The following CFAP61 variants were observed in gnomAD, a reference collection of about 807,000 sequenced individuals.
CFAP61 encodes cilia and flagella associated protein 61.
A neutral mutation model predicts 135.6 loss-of-function variants in CFAP61; 107 were observed. The ratio of observed to expected loss-of-function variants is 0.79; its 90% CI spans 0.67 to 0.93. The LOEUF is 0.93. CFAP61 is among the 40% of genes least tolerant of loss of function. The pLI is 0.00. For missense variants in CFAP61, 1,507 were observed against 1,556.2 expected, an observed-to-expected ratio of 0.97 and a Z score of 0.53; for synonymous variants, 575 against 578.5, an observed-to-expected ratio of 0.99 and a Z score of 0.09.
rs563703090 is a variant in CFAP61 at position 20,292,766 on chromosome 20, C to T, written c.3216+2375C>T. Among the ~76,000 whole-genome samples the T allele has an allele frequency of 3.6e-4, 55 of 152,230 alleles. No homozygotes were observed. In the South Asian group the frequency reaches 8.9e-3, roughly 25 times the overall value. Reference sequence around the variant, plus strand: ...GGCCTCAGAGTAGCCAGACTGCTCACGCAGTGGCTCTGGGCTCCAAGTGCA... The same window carrying T: ...GGCCTCAGAGTAGCCAGACTGCTCATGCAGTGGCTCTGGGCTCCAAGTGCA... On this transcript the variant is annotated intron_variant, in intron 24 of 26. Transcript: ENST00000245957.
intron 2 of CFAP61, among the ~76,000 whole-genome samples, chr20:20,067,374 A>C (rs1568818803): frequency 6.6e-6 from 1 of 152,102 alleles, no homozygotes; most frequent in African/African-American, 2.4e-5. Flanking sequence ...CGAGGTCAAG[A>C]GATCCAGACC....
intron 2 of CFAP61, among the ~76,000 whole-genome samples, chr20:20,068,809 A>G (rs2045502138): frequency 6.6e-6 from 1 of 152,350 alleles, no homozygotes; most frequent in South Asian, 2.1e-4. Context: ...CAGTGGTGCC[A>G]TCTTGGCTCG....
At position 20,063,494 on chromosome 20, in the gene CFAP61, G is replaced by A. The variant is rs186096609; in HGVS notation, c.143+6698G>A. On this transcript the variant is annotated intron_variant, in intron 2 of 26. Coordinates refer to ENST00000245957, the MANE Select transcript of CFAP61 (RefSeq NM_015585.4). Reference sequence around the variant, plus strand: ...TCTAATTCATCAAATTAACAAAGGAGAAAATCTAATAATCTCAATAAACAG... The same window carrying A: ...TCTAATTCATCAAATTAACAAAGGAAAAAATCTAATAATCTCAATAAACAG... Among the ~76,000 whole-genome samples, 514 of 152,154 alleles carry A rather than the reference G, an allele frequency of 3.4e-3. 1 individual carries two copies. The highest frequency in any genetic ancestry group is 6.2e-3 in the Non-Finnish European group (420 of 67,984).
intron 8 of CFAP61, among the ~76,000 whole-genome samples, chr20:20,136,195 T>G (rs1425664595): frequency 6.6e-6 from 1 of 152,172 alleles, no homozygotes; most frequent in Non-Finnish European, 1.5e-5. Context: ...GGAGTTTGAT[T>G]ATTAAATGCC....
intron 1 of CFAP61, chr20:20,052,866 T>A: frequency 1.3e-6 from 1 of 757,780 alleles, no homozygotes; most frequent in Non-Finnish European, 2.1e-6. Flanking sequence ...TGCATTCTAG[T>A]AGTCTCTGGG....
chr20:20,237,907 A>T (rs992170097), intron 18 of CFAP61, among the ~76,000 whole-genome samples: 1 of 152,250 alleles, frequency 6.6e-6, no homozygotes. Flanking sequence ...ATTTAAGATG[A>T]AATAATACAA....
rs17401017 is a variant in CFAP61, at chr20:20,254,275, C to T, written c.2328+2512C>T. 4.3e-5 allele frequency among the ~76,000 whole-genome samples: 6 copies of T among 138,298 alleles called. 1 individual carries two copies. The highest frequency in any genetic ancestry group is 8.0e-5 in the Non-Finnish European group (5 of 62,672). 90.7% of individuals were successfully genotyped at this position (138,298 alleles called of 152,430 possible). A position where few individuals can be genotyped will look rare whatever the true frequency, so the allele number is the denominator to read the frequency against. ...ATAAATATTTACTGCAGGGATACTTCGTTTTGATATTTAAGTATTCCTCTG... is the reference window on the plus strand; with the variant it reads ...ATAAATATTTACTGCAGGGATACTTTGTTTTGATATTTAAGTATTCCTCTG... On this transcript the variant is annotated intron_variant, in intron 20 of 26. Coordinates refer to ENST00000245957, the MANE Select transcript of CFAP61 (RefSeq NM_015585.4).
chr20:20,061,379 G>T (rs1487228504), intron 2 of CFAP61, among the ~76,000 whole-genome samples: 2 of 152,090 alleles, frequency 1.3e-5, no homozygotes, highest in Non-Finnish European at 2.9e-5. Flanking sequence ...ATTAAGAATG[G>T]CAGATTGGCT....
chr20:20,263,218 T>C (rs2052414483), intron 21 of CFAP61, 88 bp downstream of exon 21: 3 of 919,718 alleles, frequency 3.3e-6, no homozygotes, highest in Non-Finnish European at 1.6e-6. Context: ...CAGTATATAA[T>C]TAGTGCCTAA....
intron 6 of CFAP61, among the ~76,000 whole-genome samples, chr20:20,081,028 C>A (rs924712328): frequency 2.6e-5 from 4 of 151,896 alleles, no homozygotes; most frequent in African/African-American, 7.3e-5. Context: ...AAAAAAGGTT[C>A]CCTGTTAGAC....
chr20:20,349,551 T>C (rs2058756342), intron 26 of CFAP61, among the ~76,000 whole-genome samples: 1 of 152,184 alleles, frequency 6.6e-6, no homozygotes, highest in South Asian at 2.1e-4. Flanking sequence ...GGGGATCACA[T>C]TCCAGCATGA....
chr20:20,057,451 A>G (rs1475640938), intron 2 of CFAP61, among the ~76,000 whole-genome samples: 1 of 152,204 alleles, frequency 6.6e-6, no homozygotes, highest in Admixed American at 6.5e-5. Flanking sequence ...TGCTATGCCA[A>G]CATTATGTTA....
Position 20,129,959 on chromosome 20 carries a change from T to G in CFAP61, c.860-12898T>G, listed in dbSNP as rs190918203. 2.2e-3 allele frequency among the ~76,000 whole-genome samples: 339 copies of G among 151,874 alleles called. 13 individuals carry two copies. Among genetic ancestry groups the G allele is most frequent in the African/African-American group, 7.8e-3 (320 of 41,156 alleles). ...TTTCAATTATTTTGTTAAATTTATC[T>G]GATAAATTTATGAATTGCTCTTTTG... On this transcript the variant is annotated intron_variant, in intron 8 of 26. Transcript: ENST00000245957.
At chr20:20,130,117 G>A (rs753725083) in intron 8 of CFAP61, among the ~76,000 whole-genome samples, 55 of 151,438 alleles carry the variant, frequency 3.6e-4, no homozygotes, top group Non-Finnish European at 6.6e-4. Flanking sequence ...GTGAAACCCC[G>A]TCTCTACTAA....
intron 17 of CFAP61, among the ~76,000 whole-genome samples, chr20:20,201,654 G>T (rs188591174): frequency 1.3e-5 from 2 of 152,198 alleles, no homozygotes; most frequent in African/African-American, 4.8e-5. Flanking sequence ...GCTACATGCT[G>T]TCTCCACCAC....
At chr20:20,237,273 G>A (rs1028484558) in intron 18 of CFAP61, among the ~76,000 whole-genome samples, 2 of 152,052 alleles carry the variant, frequency 1.3e-5, no homozygotes, top group African/African-American at 2.4e-5. Context: ...CCTTAGTGTC[G>A]GGTCCAGGGT....
At chr20:20,314,870 C>T (rs1163787487) in intron 25 of CFAP61, among the ~76,000 whole-genome samples, 3 of 137,188 alleles carry the variant, frequency 2.2e-5, no homozygotes, top group African/African-American at 5.8e-5. Flanking sequence ...ATGAACTCAT[C>T]GTTTTTTATG....
At chr20:20,320,469 A>ATGTAATATATATT (rs1569293719) in intron 25 of CFAP61, among the ~76,000 whole-genome samples, 1 of 6,180 alleles carries the variant, frequency 1.6e-4, no homozygotes, top group East Asian at 3.7e-3. Context: ...TGTAATATAT[A>ATGTAATATATATT]ATATATGTAA....
chr20:20,250,124 C>A (rs1253967638), intron 19 of CFAP61, among the ~76,000 whole-genome samples: 1 of 152,206 alleles, frequency 6.6e-6, no homozygotes, highest in Non-Finnish European at 1.5e-5. Flanking sequence ...GACTAGAATT[C>A]TCTTTGTGTG....
Sources: allele counts gnomAD v4.1 joint callset (sites outside exome capture counted in the v4.1 genomes callset), GRCh38; gene constraint gnomAD v4.1.1; transcripts MANE v1.5; gene names NCBI Gene and HGNC (gene_info 2026-07-23, HGNC 2026-07-21).